MRTFA: variants seen among roughly 807,000 people sequenced by gnomAD.
MRTFA encodes the protein myocardin related transcription factor A.
In MRTFA, 20 loss-of-function variants were observed where a neutral mutation model predicts 83.5. The observed-to-expected ratio is 0.24, with a 90% CI of 0.17 to 0.35. The LOEUF (loss-of-function observed/expected upper bound fraction) is 0.35. MRTFA is among the 10% of genes least tolerant of loss of function. The pLI is 1.00. For missense variants in MRTFA, 1,200 were observed against 1,224.7 expected, an observed-to-expected ratio of 0.98 and a Z score of 0.30; for synonymous variants, 659 against 541.2, an observed-to-expected ratio of 1.22 and a Z score of -3.02.
intron 3 of MRTFA, among the ~76,000 whole-genome samples, chr22:40,469,832 C>A (rs1033114224): frequency 1.3e-5 from 2 of 152,110 alleles, no homozygotes; most frequent in Non-Finnish European, 2.9e-5. Context: ...AACCCCAGCA[C>A]TTTGGGAGGC....
intron 4 of MRTFA, among the ~76,000 whole-genome samples, chr22:40,449,640 AT>A (rs2147125908): frequency 6.6e-6 from 1 of 152,332 alleles, no homozygotes; most frequent in East Asian, 1.9e-4. Context: ...TAAGAATTTT[AT>A]TTGCTTATTC....
At chr22:40,463,650 A>C (rs2053756804) in intron 3 of MRTFA, among the ~76,000 whole-genome samples, 1 of 152,202 alleles carries the variant, frequency 6.6e-6, no homozygotes, top group African/African-American at 2.4e-5. Context: ...CAGCAAAAAA[A>C]GCTTTCCAGA....
rs1422208823 is a variant in MRTFA, at chr22:40,411,827, G to T, written c.2659C>A (p.Leu887Met). Reference sequence around the variant, plus strand: ...GCAGAAGGTGATGGCTGTGCTGCCAGGGGGGACCCACAGACTGTCTTCGGG... The same window carrying T: ...GCAGAAGGTGATGGCTGTGCTGCCATGGGGGACCCACAGACTGTCTTCGGG... The change falls in exon 15 of 15, where the codon CTG (leucine) becomes ATG (methionine). Residue 887 changes from leucine (L) to methionine (M), a missense_variant. Physicochemically the swap from Leu to Met is conservative, Grantham distance 15. This residue lies in a region of MRTFA where 1,107 missense variants were observed against 1,041.8 expected (regional missense o/e 1.06). Transcript: ENST00000355630. 2.0e-6 allele frequency: 3 copies of T among 1,512,368 alleles called. No homozygotes were observed. The highest frequency in any genetic ancestry group is 2.8e-5 in the African/African-American group (2 of 71,830). The allele number at this position is 1,512,368 out of a possible 1,614,324, so 93.7% of individuals were successfully genotyped here.
At chr22:40,417,727 T>TCTGGG (rs1334586549) in intron 12 of MRTFA, 4 of 533,986 alleles carry the variant, frequency 7.5e-6, no homozygotes, top group African/African-American at 1.9e-5. Context: ...GGGAGAGGTC[T>TCTGGG]CTGGGCTGGG....
At chr22:40,531,995 G>A (rs1602393333) in intron 3 of MRTFA, among the ~76,000 whole-genome samples, 1 of 152,290 alleles carries the variant, frequency 6.6e-6, no homozygotes, top group African/African-American at 2.4e-5. Flanking sequence ...ACACGCTACA[G>A]CAGACCCTTC....
At chr22:40,574,681 G>A (rs113421544) in intron 2 of MRTFA, among the ~76,000 whole-genome samples, 85 of 152,074 alleles carry the variant, frequency 5.6e-4, no homozygotes, top group Admixed American at 1.7e-3. Context: ...AGATTCACCC[G>A]CCTCAGCCTC....
At chr22:40,588,802 C>T (rs932972192) in intron 2 of MRTFA, among the ~76,000 whole-genome samples, 1 of 152,078 alleles carries the variant, frequency 6.6e-6, no homozygotes, top group African/African-American at 2.4e-5. Flanking sequence ...GGAAACATGG[C>T]GAGACTCCAT....
intron 3 of MRTFA, among the ~76,000 whole-genome samples, chr22:40,494,357 G>A (rs180742091): frequency 9.3e-4 from 142 of 152,236 alleles, no homozygotes; most frequent in Non-Finnish European, 1.6e-3. Context: ...TTGCCAAAAA[G>A]TGTTCTTCAA....
At chr22:40,435,387 A>G in intron 5 of MRTFA, 112 bp downstream of exon 5, 1 of 1,159,458 alleles carries the variant, frequency 8.6e-7, no homozygotes, top group East Asian at 2.3e-5. Context: ...AGAGTCTAGC[A>G]GGCTCTGGCC....
chr22:40,555,713 T>C (rs530806048), intron 2 of MRTFA, among the ~76,000 whole-genome samples: 15 of 151,852 alleles, frequency 9.9e-5, no homozygotes, highest in Non-Finnish European at 2.1e-4. Flanking sequence ...CTCAGCTCAC[T>C]GCAAGCTCCA....
At chr22:40,414,047 T>TA (rs904133171) in intron 14 of MRTFA, among the ~76,000 whole-genome samples, 11 of 152,228 alleles carry the variant, frequency 7.2e-5, no homozygotes, top group Admixed American at 2.6e-4. Flanking sequence ...ACACAGAAGT[T>TA]ACCATATGAG....
At chr22:40,427,411 A>C (rs2052977775) in intron 7 of MRTFA, among the ~76,000 whole-genome samples, 1 of 152,124 alleles carries the variant, frequency 6.6e-6, no homozygotes. Context: ...CCCAAAGCCT[A>C]ATTCAGCATG....
intron 3 of MRTFA, among the ~76,000 whole-genome samples, chr22:40,535,341 G>GTTTTT (rs1034892280): frequency 1.0e-5 from 1 of 97,982 alleles, no homozygotes; most frequent in Non-Finnish European, 2.1e-5. Flanking sequence ...TGTGTGAGAG[G>GTTTTT]TTTTTTCTTT....
Position 40,411,279 on chromosome 22 carries a change from T to A in MRTFA, c.*111A>T. 1 of 1,193,896 alleles carries A rather than the reference T, an allele frequency of 8.4e-7. No homozygotes were observed. Among genetic ancestry groups the A allele is most frequent in the Non-Finnish European group, 1.2e-6 (1 of 863,184 alleles). 74.0% of individuals were successfully genotyped at this position (1,193,896 alleles called of 1,614,324 possible). A position where few individuals can be genotyped will look rare whatever the true frequency, so the allele number is the denominator to read the frequency against. On this transcript the variant is annotated 3_prime_UTR_variant, in exon 15 of 15. Transcript: ENST00000355630. ...CCCAGGGAAGGGAAAAAGCAGGGGC[T>A]GTGATTGTCAAGACTCACAACCATG...
Position 40,462,106 on chromosome 22 carries a change from G to T in MRTFA, c.307+1115C>A, listed in dbSNP as rs117321164. Among the ~76,000 whole-genome samples the T allele has an allele frequency of 3.3e-5, 5 of 152,140 alleles. No individual in the cohort carries two copies. In the East Asian group the frequency reaches 9.7e-4, roughly 29 times the overall value. On this transcript the variant is annotated intron_variant, in intron 4 of 14. Transcript: ENST00000355630. Reference sequence around the variant, plus strand: ...GAGGCCTTTCTTGAACATCTTATTCGAAGTGACTCCATCTTATTCCTATTA... The same window carrying T: ...GAGGCCTTTCTTGAACATCTTATTCTAAGTGACTCCATCTTATTCCTATTA...
chr22:40,531,809 AGCTAATG>A (rs1286403566), intron 3 of MRTFA, among the ~76,000 whole-genome samples: 1 of 152,204 alleles, frequency 6.6e-6, no homozygotes, highest in East Asian at 1.9e-4. Flanking sequence ...GTTACAATCC[AGCTAATG>A]GCTACAGCAC....
At chr22:40,576,898 T>C (rs1269227703) in intron 2 of MRTFA, among the ~76,000 whole-genome samples, 2 of 152,052 alleles carry the variant, frequency 1.3e-5, no homozygotes, top group Non-Finnish European at 2.9e-5. Context: ...CTGAACAACA[T>C]AGTGAGACAC....
chr22:40,513,599 T>C (rs973198771), intron 3 of MRTFA, among the ~76,000 whole-genome samples: 6 of 111,086 alleles, frequency 5.4e-5, no homozygotes, highest in African/African-American at 1.6e-4. Flanking sequence ...GAAGACTCCA[T>C]CTCAAAAAAA....
intron 4 of MRTFA, among the ~76,000 whole-genome samples, chr22:40,443,337 T>C (rs1192141818): frequency 6.6e-6 from 1 of 152,168 alleles, no homozygotes; most frequent in Non-Finnish European, 1.5e-5. Flanking sequence ...CATTTTTCTG[T>C]ATTTTTGTCA....
Sources: gnomAD v4.1 joint callset for allele counts (sites outside exome capture counted in the v4.1 genomes callset) on GRCh38, gnomAD v4.1.1 for gene constraint, gnomAD v4.1.1 regional missense constraint, MANE v1.5 for transcripts, NCBI Gene and HGNC (gene_info 2026-07-23, HGNC 2026-07-21) for gene names.